The following MALRD1 variants were observed in gnomAD, a reference collection of about 807,000 sequenced individuals.
MALRD1 encodes the protein MAM and LDL receptor class A domain containing 1, also known as MAM and LDL-receptor class A domain-containing protein 1.
In MALRD1, 247 loss-of-function variants were observed where a neutral mutation model predicts 242.1. The ratio of observed to expected loss-of-function variants is 1.02; its 90% confidence interval spans 0.92 to 1.13. The LOEUF is 1.13. Among genes scored for constraint, MALRD1 ranks in the 50% most tolerant of loss-of-function variants. MALRD1 has a pLI of 0.00. For synonymous variants in MALRD1, 995 were observed against 866.6 expected, an observed-to-expected ratio of 1.15 and a Z score of -2.60; for missense variants, 2,989 against 2,533.1, an observed-to-expected ratio of 1.18 and a Z score of -3.86.
intron 31 of MALRD1, among the ~76,000 whole-genome samples, chr10:19,530,366 AAT>A (rs1834310601): frequency 9.3e-6 from 1 of 106,992 alleles, no homozygotes; most frequent in African/African-American, 5.8e-5. Flanking sequence ...TATTTATATA[AAT>A]ATTTATATAA....
chr10:19,096,869 A>T (rs1436702783), intron 4 of MALRD1, among the ~76,000 whole-genome samples: 1 of 152,166 alleles, frequency 6.6e-6, no homozygotes, highest in East Asian at 1.9e-4. Context: ...CTTTGGAGAA[A>T]GCCTCTGCAG....
intron 33 of MALRD1, among the ~76,000 whole-genome samples, chr10:19,592,282 G>T (rs1022978124): frequency 6.6e-6 from 1 of 152,246 alleles, no homozygotes; most frequent in African/African-American, 2.4e-5. Flanking sequence ...GTGGGGTTTA[G>T]CTGTGATGCA....
chr10:19,071,377 T>G (rs1475657960), intron 2 of MALRD1, among the ~76,000 whole-genome samples: 1 of 151,928 alleles, frequency 6.6e-6, no homozygotes, highest in East Asian at 1.9e-4. Flanking sequence ...AGGCTGCCCT[T>G]CGTGGTTTCT....
intron 29 of MALRD1, among the ~76,000 whole-genome samples, chr10:19,454,677 C>G (rs1002677530): frequency 6.7e-6 from 1 of 149,354 alleles, no homozygotes; most frequent in Non-Finnish European, 1.5e-5. Flanking sequence ...GATTATAAAT[C>G]AAACCGTTGT....
At chr10:19,203,141 A>C (rs983727654) in intron 14 of MALRD1, among the ~76,000 whole-genome samples, 5 of 151,940 alleles carry the variant, frequency 3.3e-5, no homozygotes, top group Admixed American at 3.3e-4. Flanking sequence ...ATCTTCCAAA[A>C]TATCTCTGTG....
At chr10:19,614,356 T>C (rs1041340344) in intron 35 of MALRD1, among the ~76,000 whole-genome samples, 3 of 152,040 alleles carry the variant, frequency 2.0e-5, no homozygotes, top group Admixed American at 1.3e-4. Context: ...GCAGACATTT[T>C]ATAGGGACTC....
chr10:19,146,309 T>C lies in MALRD1; in HGVS notation c.1523T>C (p.Phe508Ser). The C allele has an allele frequency of 8.1e-7, 1 of 1,231,626 alleles. No homozygotes were observed. The highest frequency in any genetic ancestry group is 1.0e-6 in the Non-Finnish European group (1 of 987,890). The allele number at this position is 1,231,626 out of a possible 1,614,324, so 76.3% of individuals were successfully genotyped here. A position where few individuals can be genotyped will look rare whatever the true frequency, so the allele number is the denominator to read the frequency against. The change falls in exon 11 of 40, where the codon TTT (phenylalanine) becomes TCT (serine). Residue 508 changes from phenylalanine to serine, a missense_variant. Transcript: ENST00000454679. ...GGATTGAATAATGGAGAGCACCACT[T>C]TCCTGCAGCTGATCACACAGCAAAC... ...MKGLNNGEHH[F>S]PAADHTANIN...
At chr10:19,358,661 A>C (rs1844754159) in intron 26 of MALRD1, among the ~76,000 whole-genome samples, 1 of 152,166 alleles carries the variant, frequency 6.6e-6, no homozygotes, top group Non-Finnish European at 1.5e-5. Context: ...GTCGGAATCT[A>C]CTTCTGAGCG....
intron 26 of MALRD1, among the ~76,000 whole-genome samples, chr10:19,383,478 C>G (rs1380284778): frequency 6.6e-6 from 1 of 152,044 alleles, no homozygotes; most frequent in Non-Finnish European, 1.5e-5. Context: ...CATTCCATGT[C>G]TTTGCTATTC....
At chr10:19,575,739 C>G (rs1285050841) in intron 33 of MALRD1, among the ~76,000 whole-genome samples, 1 of 152,174 alleles carries the variant, frequency 6.6e-6, no homozygotes, top group Non-Finnish European at 1.5e-5. Context: ...TATCCTTACT[C>G]TCAGTACAGC....
chr10:19,454,433 A>ATATATATATATATAT lies in MALRD1; in HGVS notation c.5029+3944_5029+3945insATATATATATATATT, dbSNP rs1835523396. 1.3e-4 allele frequency among the ~76,000 whole-genome samples: 7 copies of ATATATATATATATAT among 55,430 alleles called. No individual in the cohort carries two copies. The East Asian group carries it at 1.3e-3, about 11-fold the overall frequency. The allele number at this position is 55,430 out of a possible 152,430, so 36.4% of individuals were successfully genotyped here. A position where few individuals can be genotyped will look rare whatever the true frequency, so the allele number is the denominator to read the frequency against. On this transcript the variant is annotated intron_variant, in intron 29 of 39. Coordinates refer to ENST00000454679, the MANE Select transcript of MALRD1 (RefSeq NM_001142308.3). ...ATATATATATATATATATATATATA[A>ATATATATATATATAT]TTATATGATACATACATATAAATTA...
intron 32 of MALRD1, among the ~76,000 whole-genome samples, chr10:19,567,183 G>T (rs954633142): frequency 6.6e-6 from 1 of 152,032 alleles, no homozygotes; most frequent in Non-Finnish European, 1.5e-5. Context: ...CATAGACAAA[G>T]TTCTTTAGCA....
chr10:19,157,609 A>G (rs886103403), intron 12 of MALRD1, among the ~76,000 whole-genome samples: 1 of 152,174 alleles, frequency 6.6e-6, no homozygotes, highest in Non-Finnish European at 1.5e-5. Context: ...CTTCTTGGGT[A>G]ACTGGAAAAT....
rs3045382 is a variant in MALRD1 at position 19,524,902 on chromosome 10, CTATTAT to C, written c.5321-6281_5321-6276del. Among the ~76,000 whole-genome samples the C allele has an allele frequency of 1.0e-3, 156 of 150,024 alleles. No individual in the cohort carries two copies. In the East Asian group the frequency reaches 0.024, roughly 23 times the overall value. On this transcript the variant is annotated intron_variant, in intron 31 of 39. Coordinates refer to ENST00000454679, the MANE Select transcript of MALRD1 (RefSeq NM_001142308.3). Reference sequence around the variant, plus strand: ...TTATTTTATTTTTTAAATTTTATTACTATTATTATTATTATTTTGAGATGGAGTTTT... The same window carrying C: ...TTATTTTATTTTTTAAATTTTATTACTATTATTATTTTGAGATGGAGTTTT...
intron 21 of MALRD1, among the ~76,000 whole-genome samples, chr10:19,298,025 T>C (rs1055945773): frequency 6.6e-6 from 1 of 152,046 alleles, no homozygotes; most frequent in Admixed American, 6.6e-5. Flanking sequence ...TCTAAAGGAA[T>C]ACCTGAGACT....
At chr10:19,334,782 T>C (rs965554453) in intron 24 of MALRD1, among the ~76,000 whole-genome samples, 6 of 152,148 alleles carry the variant, frequency 3.9e-5, no homozygotes, top group African/African-American at 1.4e-4. Flanking sequence ...TAGATTTTCT[T>C]CATTGTCATT....
Position 19,327,664 on chromosome 10 carries a change from A to G in MALRD1, c.3678A>G (p.Ser1226=). 1 of 1,548,968 alleles carries G rather than the reference A, an allele frequency of 6.5e-7. No individual in the cohort carries two copies. The highest frequency in any genetic ancestry group is 2.4e-5 in the East Asian group (1 of 40,888). The change falls in exon 23 of 40, where the codon TCA becomes TCG. Residue 1226 remains serine (S), a synonymous_variant. Coordinates refer to ENST00000454679, the MANE Select transcript of MALRD1 (RefSeq NM_001142308.3). ...CAGAAGTGTTTTTAGGCATTCGTTC[A>G]CATACACAGGTGTGTAATACAGGTA... The part of the protein sequence containing the change: ...KRAEVFLGIR[S]HTQIVFRAKR...
intron 38 of MALRD1, among the ~76,000 whole-genome samples, chr10:19,705,477 A>G (rs1833819301): frequency 6.6e-6 from 1 of 152,144 alleles, no homozygotes; most frequent in Middle Eastern, 3.2e-3. Context: ...AGCTGTTCTC[A>G]CAGTTTGAGA....
chr10:19,160,761 T>C, intron 12 of MALRD1, among the ~76,000 whole-genome samples: 1 of 100,588 alleles, frequency 9.9e-6, no homozygotes, highest in Admixed American at 1.1e-4. Context: ...GAGGTGTTTG[T>C]AGTATTCTCT....
Sources: gnomAD v4.1 joint callset for allele counts (sites outside exome capture counted in the v4.1 genomes callset) on GRCh38, gnomAD v4.1.1 for gene constraint, MANE v1.5 for transcripts, NCBI Gene and HGNC (gene_info 2026-07-23, HGNC 2026-07-21) for gene names.